CIT: variants seen among roughly 807,000 people sequenced by gnomAD.
CIT encodes the protein citron rho-interacting serine/threonine kinase.
CIT carries 79 observed loss-of-function variants against 272.7 expected under a neutral mutation model. The observed-to-expected ratio is 0.29, with a 90% CI of 0.24 to 0.35. The LOEUF (loss-of-function observed/expected upper bound fraction) is 0.35, where lower values mean the gene tolerates loss of function less well. Ranked by LOEUF, CIT falls within the 10% of genes least tolerant of loss-of-function variation. CIT has a pLI of 1.00. For missense variants in CIT, 1,909 were observed against 2,618.3 expected (o/e 0.73, Z 5.91); for synonymous variants, 948 against 995.6 (o/e 0.95, Z 0.90).
At chr12:119,805,123 C>T (rs1037546920) in intron 9 of CIT, among the ~76,000 whole-genome samples, 2 of 151,016 alleles carry the variant, frequency 1.3e-5, no homozygotes, top group Non-Finnish European at 2.9e-5. Context: ...GGATCAAAAA[C>T]AGAAGTTTTC....
At chr12:119,695,193 C>T (rs985828813) in intron 46 of CIT, among the ~76,000 whole-genome samples, 2 of 152,102 alleles carry the variant, frequency 1.3e-5, no homozygotes, top group Non-Finnish European at 2.9e-5. Flanking sequence ...TGCCCCATAC[C>T]CACTCCCCTC....
intron 13 of CIT, chr12:119,782,006 T>C (rs1240502558): frequency 6.6e-6 from 1 of 152,528 alleles, no homozygotes; most frequent in East Asian, 1.9e-4. Flanking sequence ...CACCTCTGAC[T>C]CTGTAGCCTG....
intron 3 of CIT, among the ~76,000 whole-genome samples, chr12:119,864,800 AG>A (rs1950469733): frequency 6.6e-6 from 1 of 152,210 alleles, no homozygotes; most frequent in African/African-American, 2.4e-5. Context: ...TGGGGATGTA[AG>A]AGTAATTAAG....
At chr12:119,761,076 G>A (rs779504518) in intron 19 of CIT, 21 bp from the exon 20 acceptor site, 1 of 1,551,846 alleles carries the variant, frequency 6.4e-7, no homozygotes, top group Non-Finnish European at 8.9e-7. Flanking sequence ...AAAAGCAGCA[G>A]CAAATGTTCT....
chr12:119,697,592 T>C lies in CIT; in HGVS notation c.5882+67A>G, dbSNP rs1428797720. On this transcript the variant is annotated intron_variant, in intron 46 of 47. Coordinates refer to ENST00000392521, the MANE Select transcript of CIT (RefSeq NM_001206999.2). The surrounding 1 kb of genome is among the most constrained non-coding windows in gnomAD (Gnocchi z 4.9). ...TGGGAAACATTCTACTGGTTTAGTA[T>C]CACTTCCTTCTGCCTTGCAGAAAAG... 3.4e-6 allele frequency: 5 copies of C among 1,478,144 alleles called. No individual in the cohort carries two copies. In the African/African-American group the frequency reaches 4.2e-5, roughly 12 times the overall value. 91.6% of individuals were successfully genotyped at this position (1,478,144 alleles called of 1,614,324 possible). A position where few individuals can be genotyped will look rare whatever the true frequency, so the allele number is the denominator to read the frequency against.
At chr12:119,696,725 C>T (rs554508998) in intron 46 of CIT, among the ~76,000 whole-genome samples, 171 of 152,262 alleles carry the variant, frequency 1.1e-3, no homozygotes, top group Non-Finnish European at 2.1e-3. Context: ...TAGGGTTTTA[C>T]CACATTGCCC....
At position 119,713,347 on chromosome 12, in the gene CIT, G is replaced by C; in HGVS notation, c.4488-53C>G. 2.5e-6 allele frequency: 4 copies of C among 1,590,898 alleles called. No individual in the cohort carries two copies. Among genetic ancestry groups the C allele is most frequent in the Non-Finnish European group, 1.7e-6 (2 of 1,160,158 alleles). On this transcript the variant is annotated intron_variant, in intron 34 of 47. Transcript: ENST00000392521. The surrounding 1 kb of genome is among the most constrained non-coding windows in gnomAD (Gnocchi z 5.2). ...ATGTCTGAACTCAGAAGAAACATCC[G>C]GCTGGAGGATAGGATGAGGGGGTGG...
chr12:119,714,426 T>C, intron 32 of CIT, 92 bp from the exon 33 acceptor site: 1 of 1,357,668 alleles, frequency 7.4e-7, no homozygotes, highest in Non-Finnish European at 1.0e-6. Context: ...GAAAAAATAC[T>C]TGCAAATCAA....
intron 24 of CIT, among the ~76,000 whole-genome samples, chr12:119,735,851 G>A (rs556704590): frequency 2.0e-5 from 3 of 152,120 alleles, no homozygotes; most frequent in East Asian, 3.9e-4. Flanking sequence ...GAGTTATTTC[G>A]ATAATATCAC....
intron 32 of CIT, among the ~76,000 whole-genome samples, chr12:119,715,609 G>C (rs1467630038): frequency 6.6e-6 from 1 of 152,148 alleles, no homozygotes; most frequent in Non-Finnish European, 1.5e-5. Context: ...TCAAAAATTA[G>C]AATGTGATGA....
intron 9 of CIT, among the ~76,000 whole-genome samples, chr12:119,814,079 A>G (rs567370294): frequency 6.6e-6 from 1 of 151,016 alleles, no homozygotes; most frequent in South Asian, 2.1e-4. Context: ...CTATCCTCAT[A>G]CTCCTTTCAT....
In CIT at chr12:119,776,652, C is replaced by A. The variant is rs1963777822; in HGVS notation, c.1836+20G>T. 2.5e-6 allele frequency: 4 copies of A among 1,611,026 alleles called. No individual in the cohort carries two copies. The highest frequency in any genetic ancestry group is 3.4e-6 in the Non-Finnish European group (4 of 1,178,456). On this transcript the variant is annotated intron_variant, in intron 14 of 47. Coordinates refer to ENST00000392521, the MANE Select transcript of CIT (RefSeq NM_001206999.2). ...TACAATTTTACCCAAAAAGCACCCT[C>A]CTGGAGGGTGGCTGACTACCTTCAA...
chr12:119,685,980 G>A lies in CIT; in HGVS notation c.*2252C>T, dbSNP rs934965303. On this transcript the variant is annotated 3_prime_UTR_variant, in exon 48 of 48. Transcript: ENST00000392521. ...AATAAGCTTTTGACAGCAATTTCGT[G>A]TTACGGTATATCCTGCTGGCATCTT... 6.6e-6 allele frequency: 1 copy of A among 152,446 alleles called. No individual in the cohort carries two copies. The highest frequency in any genetic ancestry group is 2.4e-5 in the African/African-American group (1 of 41,386). 9.4% of individuals were successfully genotyped at this position (152,446 alleles called of 1,614,324 possible). A position where few individuals can be genotyped will look rare whatever the true frequency, so the allele number is the denominator to read the frequency against.
intron 24 of CIT, among the ~76,000 whole-genome samples, chr12:119,741,365 A>G (rs142396222): frequency 1.3e-5 from 2 of 152,356 alleles, no homozygotes; most frequent in East Asian, 3.9e-4. Context: ...GGAAGGGGAC[A>G]TGAGGGAGCC....
At chr12:119,699,993 A>C (rs1398059310) in intron 44 of CIT, 9 of 447,156 alleles carry the variant, frequency 2.0e-5, no homozygotes, top group South Asian at 1.3e-4. Context: ...GCTATCTAAC[A>C]AGTGCAAAAA....
chr12:119,857,399 A>T, intron 4 of CIT, 124 bp downstream of exon 4: 1 of 946,550 alleles, frequency 1.1e-6, no homozygotes, highest in Non-Finnish European at 1.5e-6. Context: ...CCCCAACTAT[A>T]ATTAAATATA....
chr12:119,786,714 C>G (rs770096470), intron 10 of CIT, among the ~76,000 whole-genome samples: 2 of 152,168 alleles, frequency 1.3e-5, no homozygotes, highest in Admixed American at 6.5e-5. Context: ...CCTCTCTCCC[C>G]GCAGCTCCTG....
At chr12:119,858,821 C>CA (rs58888016) in intron 3 of CIT, among the ~76,000 whole-genome samples, 7,298 of 135,630 alleles carry the variant, frequency 0.054, 329 homozygotes, top group African/African-American at 0.13. Flanking sequence ...GACTCCATCT[C>CA]AAAAAAAAAA....
intron 28 of CIT, among the ~76,000 whole-genome samples, chr12:119,727,206 C>A (rs866205292): frequency 2.6e-5 from 4 of 152,308 alleles, no homozygotes; most frequent in Middle Eastern, 6.8e-3. Context: ...ATGACAGAGA[C>A]CCTCTGGCCT....
Sources: gnomAD v4.1 joint callset for allele counts (sites outside exome capture counted in the v4.1 genomes callset) on GRCh38, gnomAD v4.1.1 for gene constraint, Gnocchi (gnomAD v3.1) non-coding constraint, MANE v1.5 for transcripts, NCBI Gene and HGNC (gene_info 2026-07-23, HGNC 2026-07-21) for gene names.